Variants in CSMD3 observed in about 807,000 individuals in gnomAD.
The protein encoded by CSMD3 is CUB and Sushi multiple domains 3.
CSMD3 carries 177 observed loss-of-function variants against 435.2 expected under a neutral mutation model. The observed-to-expected ratio is 0.41, with a 90% CI of 0.36 to 0.46. The LOEUF (loss-of-function observed/expected upper bound fraction) is 0.46. Ranked by LOEUF, CSMD3 falls within the 20% of genes least tolerant of loss-of-function variation. The pLI is 0.34. For synonymous variants in CSMD3, 1,656 were observed against 1,520.5 expected (o/e 1.09, Z -2.07); for missense variants, 4,265 against 4,504.6 (o/e 0.95, Z 1.52).
intron 7 of CSMD3, 49 bp downstream of exon 7, chr8:112,975,788 A>G (rs1184726435): frequency 6.2e-7 from 1 of 1,611,022 alleles, no homozygotes; most frequent in South Asian, 1.1e-5. Flanking sequence ...TTACCAAAAT[A>G]TAGCTTTGGC....
intron 5 of CSMD3, among the ~76,000 whole-genome samples, chr8:113,086,812 A>T (rs2089800258): frequency 6.6e-6 from 1 of 152,230 alleles, no homozygotes; most frequent in South Asian, 2.1e-4. Flanking sequence ...TTTTCCTTGA[A>T]AATTGAGTTT....
chr8:113,115,296 T>C (rs891034047), intron 4 of CSMD3, among the ~76,000 whole-genome samples: 2 of 152,204 alleles, frequency 1.3e-5, no homozygotes, highest in Admixed American at 6.5e-5. Flanking sequence ...TCCTTTTTAT[T>C]TGATAATGTT....
intron 5 of CSMD3, among the ~76,000 whole-genome samples, chr8:113,036,218 G>A (rs1429505715): frequency 6.6e-6 from 1 of 151,884 alleles, no homozygotes; most frequent in Non-Finnish European, 1.5e-5. Flanking sequence ...TGCAATTAAA[G>A]AACATGGTAA....
intron 10 of CSMD3, among the ~76,000 whole-genome samples, chr8:112,886,804 C>A (rs1246173829): frequency 6.6e-6 from 1 of 151,448 alleles, no homozygotes; most frequent in African/African-American, 2.4e-5. Context: ...CCCCTGTATA[C>A]CTTAAATCAT....
chr8:112,519,318 GTAA>G (rs1442601934), intron 27 of CSMD3, among the ~76,000 whole-genome samples: 2 of 152,092 alleles, frequency 1.3e-5, no homozygotes, highest in Non-Finnish European at 2.9e-5. Context: ...TGTCTCACTC[GTAA>G]TAATATCATA....
chr8:112,771,343 A>T (rs1363598369), intron 13 of CSMD3, among the ~76,000 whole-genome samples: 1 of 152,042 alleles, frequency 6.6e-6, no homozygotes, highest in African/African-American at 2.4e-5. Context: ...GTTCGAAATA[A>T]GCCTGGCCAA....
chr8:112,568,135 CAT>C (rs1408287916), intron 24 of CSMD3, among the ~76,000 whole-genome samples: 2 of 152,130 alleles, frequency 1.3e-5, no homozygotes, highest in African/African-American at 2.4e-5. Flanking sequence ...GTATCTCACA[CAT>C]GTTTTATATT....
chr8:113,205,866 T>A (rs139434890), intron 3 of CSMD3, among the ~76,000 whole-genome samples: 182 of 152,310 alleles, frequency 1.2e-3, no homozygotes, highest in African/African-American at 3.9e-3. Context: ...TAGACTTTAC[T>A]CTCACTTGCT....
At chr8:112,594,932 A>G (rs1277523399) in intron 22 of CSMD3, among the ~76,000 whole-genome samples, 1 of 151,906 alleles carries the variant, frequency 6.6e-6, no homozygotes. Flanking sequence ...GAACAGAAAA[A>G]CTGGAAACTC....
At chr8:112,500,372 T>C (rs1421437567) in intron 30 of CSMD3, among the ~76,000 whole-genome samples, 1 of 152,194 alleles carries the variant, frequency 6.6e-6, no homozygotes, top group East Asian at 1.9e-4. Flanking sequence ...AATCTAAATA[T>C]ATTTACAACC....
intron 13 of CSMD3, among the ~76,000 whole-genome samples, chr8:112,780,832 C>T (rs2078365760): frequency 6.6e-6 from 1 of 151,758 alleles, no homozygotes; most frequent in Admixed American, 6.6e-5. Context: ...TGGACTAGCC[C>T]TACTACCATA....
intron 57 of CSMD3, among the ~76,000 whole-genome samples, 180 bp downstream of exon 57, chr8:112,289,185 C>A (rs553389905): frequency 6.6e-6 from 1 of 152,100 alleles, no homozygotes; most frequent in Non-Finnish European, 1.5e-5. Flanking sequence ...CAGTACCCTG[C>A]ATTTCTATAG....
chr8:113,280,619 A>C (rs1175581671), intron 2 of CSMD3, among the ~76,000 whole-genome samples: 2 of 151,334 alleles, frequency 1.3e-5, no homozygotes, highest in African/African-American at 4.8e-5. Flanking sequence ...TTTTTGTTTC[A>C]TTTATCTTTT....
chr8:112,234,259 T>C (rs1295926763), intron 68 of CSMD3, 106 bp downstream of exon 68: 1 of 704,206 alleles, frequency 1.4e-6, no homozygotes, highest in Non-Finnish European at 2.5e-6. Context: ...TATATATGTA[T>C]GTGTATGTAT....
chr8:112,579,130 A>G (rs1388303378), intron 23 of CSMD3, among the ~76,000 whole-genome samples: 1 of 152,090 alleles, frequency 6.6e-6, no homozygotes, highest in Non-Finnish European at 1.5e-5. Flanking sequence ...AATCAAAAAC[A>G]GGATTATGTC....
chr8:113,319,504 T>G (rs540172909), intron 1 of CSMD3, among the ~76,000 whole-genome samples: 1 of 152,166 alleles, frequency 6.6e-6, no homozygotes, highest in South Asian at 2.1e-4. Flanking sequence ...TAATAGCCCA[T>G]AAATTGCCTA....
At position 112,389,817 on chromosome 8, in the gene CSMD3, T is replaced by A. The variant is rs867523844; in HGVS notation, c.5934+847A>T. On this transcript the variant is annotated intron_variant, in intron 36 of 70. Coordinates refer to ENST00000297405, the MANE Select transcript of CSMD3 (RefSeq NM_198123.2). ...ATAATTACCTTTCATAGGATATATA[T>A]ACTGATTCTGCAGTAAAATATTATC... Among the ~76,000 whole-genome samples the A allele has an allele frequency of 6.6e-5, 10 of 152,340 alleles. No individual in the cohort carries two copies. The South Asian group carries it at 1.9e-3, about 28-fold the overall frequency.
chr8:112,637,221 T>C (rs973319304), intron 21 of CSMD3, among the ~76,000 whole-genome samples: 5 of 152,170 alleles, frequency 3.3e-5, no homozygotes, highest in Admixed American at 2.6e-4. Flanking sequence ...TTTGTGGTAT[T>C]CAATATAGAT....
At chr8:113,301,888 G>GA (rs2093771446) in intron 2 of CSMD3, among the ~76,000 whole-genome samples, 2 of 151,890 alleles carry the variant, frequency 1.3e-5, no homozygotes, top group African/African-American at 4.8e-5. Context: ...CGTTTTAACA[G>GA]AAAATAGGTC....
Sources: allele counts gnomAD v4.1 joint callset (sites outside exome capture counted in the v4.1 genomes callset), GRCh38; gene constraint gnomAD v4.1.1; transcripts MANE v1.5; gene names NCBI Gene and HGNC (gene_info 2026-07-23, HGNC 2026-07-21).